MALRD1: variants seen among roughly 807,000 people sequenced by gnomAD.
MALRD1 encodes MAM and LDL-receptor class A domain-containing protein 1.
In MALRD1, 247 loss-of-function variants were observed where a neutral mutation model predicts 242.1. The observed-to-expected ratio is 1.02, with a 90% CI of 0.92 to 1.13. The LOEUF is 1.13. Among genes scored for constraint, MALRD1 ranks in the 50% most tolerant of loss-of-function variants. The pLI is 0.00. For synonymous variants in MALRD1, 995 were observed against 866.6 expected, an observed-to-expected ratio of 1.15 and a Z score of -2.60; for missense variants, 2,989 against 2,533.1, an observed-to-expected ratio of 1.18 and a Z score of -3.86.
At chr10:19,614,837 A>G (rs1437298029) in intron 35 of MALRD1, among the ~76,000 whole-genome samples, 1 of 152,102 alleles carries the variant, frequency 6.6e-6, no homozygotes, top group Non-Finnish European at 1.5e-5. Flanking sequence ...GGACATCTGC[A>G]TGCTCATAAG....
At chr10:19,279,585 T>C (rs970447004) in intron 19 of MALRD1, among the ~76,000 whole-genome samples, 22 of 152,348 alleles carry the variant, frequency 1.4e-4, no homozygotes, top group African/African-American at 4.6e-4. Flanking sequence ...TTTGACTCTT[T>C]CCTGAAACCT....
Position 19,376,313 on chromosome 10 carries a change from G to A in MALRD1, c.4442-11215G>A, listed in dbSNP as rs190633166. On this transcript the variant is annotated intron_variant, in intron 26 of 39. Transcript: ENST00000454679. ...CTTATGAATCTGTGGTTAATAAGATGGTTAAGTTGTGTTGCACTTGAGTTC... is the reference window on the plus strand; with the variant it reads ...CTTATGAATCTGTGGTTAATAAGATAGTTAAGTTGTGTTGCACTTGAGTTC... Among the ~76,000 whole-genome samples, 104 of 152,150 alleles carry A rather than the reference G, an allele frequency of 6.8e-4. No homozygotes were observed. The South Asian group carries it at 7.3e-3, about 11-fold the overall frequency.
At chr10:19,431,539 T>C (rs1229375296) in intron 28 of MALRD1, among the ~76,000 whole-genome samples, 1 of 152,198 alleles carries the variant, frequency 6.6e-6, no homozygotes, top group Admixed American at 6.5e-5. Flanking sequence ...TTAGATAGTA[T>C]TGGTTTTCAG....
intron 34 of MALRD1, among the ~76,000 whole-genome samples, chr10:19,599,685 T>C (rs1349598065): frequency 6.6e-6 from 1 of 152,106 alleles, no homozygotes; most frequent in African/African-American, 2.4e-5. Context: ...ATAGTATGCA[T>C]AGCAAAGCCA....
chr10:19,472,842 G>GT (rs893848398), intron 29 of MALRD1, among the ~76,000 whole-genome samples: 1 of 150,594 alleles, frequency 6.6e-6, no homozygotes, highest in African/African-American at 2.4e-5. Context: ...CAAACTTGTA[G>GT]TTTTTTTATC....
At chr10:19,129,715 T>A (rs888244636) in intron 8 of MALRD1, among the ~76,000 whole-genome samples, 2 of 149,240 alleles carry the variant, frequency 1.3e-5, no homozygotes, top group Non-Finnish European at 3.0e-5. Flanking sequence ...AATAAATATA[T>A]TCATAATAAA....
At chr10:19,344,770 ATAG>A (rs1345220239) in intron 24 of MALRD1, among the ~76,000 whole-genome samples, 1 of 151,750 alleles carries the variant, frequency 6.6e-6, no homozygotes, top group Non-Finnish European at 1.5e-5. Context: ...AATCATGAGC[ATAG>A]TAGGTTTCTC....
chr10:19,489,763 A>G (rs561725752), intron 29 of MALRD1, among the ~76,000 whole-genome samples: 6 of 152,304 alleles, frequency 3.9e-5, no homozygotes, highest in South Asian at 4.1e-4. Flanking sequence ...TCTTGCATCT[A>G]ACGTCTTTAG....
intron 26 of MALRD1, among the ~76,000 whole-genome samples, chr10:19,359,989 A>G (rs1844820499): frequency 6.6e-6 from 1 of 152,130 alleles, no homozygotes. Context: ...CTGCATTTTA[A>G]GAACTTAGAA....
At chr10:19,139,649 T>C (rs1192353908) in intron 10 of MALRD1, among the ~76,000 whole-genome samples, 1 of 152,212 alleles carries the variant, frequency 6.6e-6, no homozygotes, top group Non-Finnish European at 1.5e-5. Context: ...CTTTTCGGTA[T>C]TATTTTAATA....
chr10:19,722,427 A>C (rs1419989273), intron 38 of MALRD1: 3 of 151,686 alleles, frequency 2.0e-5, no homozygotes, highest in Admixed American at 6.6e-5. Flanking sequence ...TCATCTCTGC[A>C]AAAAATTAAA....
At chr10:19,219,320 C>T (rs1372248847) in intron 18 of MALRD1, among the ~76,000 whole-genome samples, 2 of 152,030 alleles carry the variant, frequency 1.3e-5, no homozygotes, top group Non-Finnish European at 2.9e-5. Flanking sequence ...AATAATATAC[C>T]ATATTAAATT....
intron 35 of MALRD1, among the ~76,000 whole-genome samples, chr10:19,609,561 C>T (rs772964149): frequency 6.6e-6 from 1 of 152,010 alleles, no homozygotes; most frequent in Non-Finnish European, 1.5e-5. Context: ...ATAGTGGTCT[C>T]ACCATGGTCA....
intron 22 of MALRD1, among the ~76,000 whole-genome samples, chr10:19,326,489 A>G (rs915056104): frequency 1.3e-5 from 2 of 152,084 alleles, no homozygotes; most frequent in Admixed American, 6.6e-5. Context: ...AGTGATTTGT[A>G]TATAGTGTGG....
chr10:19,184,911 T>C (rs1264640738), intron 14 of MALRD1, among the ~76,000 whole-genome samples: 1 of 152,208 alleles, frequency 6.6e-6, no homozygotes, highest in Admixed American at 6.5e-5. Context: ...ATTATGCTAA[T>C]AAACAATCAT....
intron 32 of MALRD1, among the ~76,000 whole-genome samples, chr10:19,558,902 G>A (rs1835841463): frequency 6.6e-6 from 1 of 151,870 alleles, no homozygotes; most frequent in East Asian, 1.9e-4. Flanking sequence ...AATATTTTTT[G>A]GCTGGGTGCG....
chr10:19,487,506 G>A (rs1837288049), intron 29 of MALRD1, among the ~76,000 whole-genome samples: 1 of 131,112 alleles, frequency 7.6e-6, no homozygotes, highest in Non-Finnish European at 1.6e-5. Flanking sequence ...TAGAGATGTA[G>A]CCTATTTTAA....
At chr10:19,087,411 A>C (rs1835705737) in intron 2 of MALRD1, among the ~76,000 whole-genome samples, 1 of 152,110 alleles carries the variant, frequency 6.6e-6, no homozygotes, top group Admixed American at 6.6e-5. Flanking sequence ...GGTTTGCAAA[A>C]GTAAATGATG....
chr10:19,538,825 T>C (rs1215678505), intron 32 of MALRD1, among the ~76,000 whole-genome samples: 1 of 152,092 alleles, frequency 6.6e-6, no homozygotes, highest in Non-Finnish European at 1.5e-5. Context: ...ACTTCCGTGA[T>C]CACAGATAAG....
Sources: allele counts gnomAD v4.1 joint callset (sites outside exome capture counted in the v4.1 genomes callset), GRCh38; gene constraint gnomAD v4.1.1; transcripts MANE v1.5; gene names NCBI Gene and HGNC (gene_info 2026-07-23, HGNC 2026-07-21).